Variants in F11 observed in about 807,000 individuals in gnomAD.
F11 encodes the protein coagulation factor XI.
A neutral mutation model predicts 76.5 loss-of-function variants in F11; 78 were observed. The ratio of observed to expected loss-of-function variants is 1.02; its 90% CI spans 0.85 to 1.23. The LOEUF is 1.23. Ranked by LOEUF, F11 falls within the 50% of genes most tolerant of loss-of-function variation. The pLI, the probability that F11 is intolerant of heterozygous loss-of-function variation, is 0.00. For missense variants in F11, 742 were observed against 771.4 expected (o/e 0.96, Z 0.45); for synonymous variants, 278 against 276.3 (o/e 1.01, Z -0.06).
chr4:186,290,181 G>C (rs1741476479), downstream of F11, among the ~76,000 whole-genome samples: 1 of 152,180 alleles, frequency 6.6e-6, no homozygotes, highest in African/African-American at 2.4e-5. Context: ...AAGAAAGGAA[G>C]AAGGACATTT....
In F11 at chr4:186,267,182, G is replaced by C. The variant is rs1041104600; in HGVS notation, c.46G>C (p.Val16Leu). ...GGTACATTTCATTTTATTTACTTCA[G>C]TTTCTGGTGGTAAGTAGAGTGTTAT... ...QVVHFILFTS[V>L]SGECVTQLLK... Residue 16 changes from valine to leucine, a missense_variant, in exon 2 of 15, where the codon GTT becomes CTT. Val to Leu is a conservative substitution (Grantham distance 32, BLOSUM62 1). Coordinates refer to ENST00000403665, the MANE Select transcript of F11 (RefSeq NM_000128.4). 6.4e-7 allele frequency: 1 copy of C among 1,565,852 alleles called. No homozygotes were observed.
In F11 at chr4:186,273,132, G is replaced by A; in HGVS notation, c.280G>A (p.Ala94Thr). 1 of 1,614,048 alleles carries A rather than the reference G, an allele frequency of 6.2e-7. No individual in the cohort carries two copies. Among genetic ancestry groups the A allele is most frequent in the Non-Finnish European group, 8.5e-7 (1 of 1,179,934 alleles). ...ETLPRVNRTAAISGYSFKQCS... is the reference protein window; with the variant it reads ...ETLPRVNRTATISGYSFKQCS... ...ACTGCCAAGAGTGAATAGGACAGCA[G>A]CGATTTCTGGGTATTCTTTCAAGCA... Residue 94 changes from alanine to threonine, a missense_variant, in exon 4 of 15, where the codon GCG becomes ACG. Ala to Thr is a moderately conservative substitution (Grantham distance 58, BLOSUM62 0). Transcript: ENST00000403665.
chr4:186,272,988 GCTTT>G, intron 3 of F11, 79 bp from the exon 4 acceptor site: 1 of 870,300 alleles, frequency 1.1e-6, no homozygotes, highest in Non-Finnish European at 1.9e-6. Flanking sequence ...CTTCTTTTTG[GCTTT>G]CTGTGTGCTG....
intron 6 of F11, 118 bp from the exon 7 acceptor site, chr4:186,276,113 A>T (rs1356024045): frequency 8.0e-6 from 10 of 1,250,760 alleles, no homozygotes; most frequent in Non-Finnish European, 1.1e-5. Context: ...AATAAAAAAA[A>T]ATTAAAAGAT....
At chr4:186,285,367 CGTGTCTGTGT>C (rs1741109677) in intron 11 of F11, among the ~76,000 whole-genome samples, 1 of 150,524 alleles carries the variant, frequency 6.6e-6, no homozygotes. Context: ...CGTGTGTGTG[CGTGTCTGTGT>C]GTGCGTGTGC....
At chr4:186,285,946 G>C in intron 12 of F11, 133 bp downstream of exon 12, 1 of 1,005,508 alleles carries the variant, frequency 9.9e-7, no homozygotes, top group South Asian at 1.3e-5. Flanking sequence ...GGCCTGGAAT[G>C]CTAGTCATTC....
chr4:186,280,253 C>T lies in F11; in HGVS notation c.896C>T (p.Thr299Ile). The T allele has an allele frequency of 6.2e-7, 1 of 1,614,222 alleles. No homozygotes were observed. Among genetic ancestry groups the T allele is most frequent in the Non-Finnish European group, 8.5e-7 (1 of 1,180,056 alleles). Residue 299 changes from threonine to isoleucine, a missense_variant, in exon 9 of 15, where the codon ACT (threonine) becomes ATT (isoleucine). Thr to Ile is a moderately conservative substitution (Grantham distance 89, BLOSUM62 -1). Transcript: ENST00000403665. Reference sequence around the variant, plus strand: ...TGCCATTCTTCATTTTACCATGACACTGATTTCTTGGGAGAAGAACTGGAT... The same window carrying T: ...TGCCATTCTTCATTTTACCATGACATTGATTTCTTGGGAGAAGAACTGGAT... ...VFCHSSFYHD[T>I]DFLGEELDIV...
downstream of F11, among the ~76,000 whole-genome samples, chr4:186,290,360 C>T (rs78036334): frequency 4.5e-3 from 682 of 152,130 alleles, 3 homozygotes; most frequent in Non-Finnish European, 8.0e-3. Context: ...TAGGACATGA[C>T]GGGGCCAGAT....
At chr4:186,282,609 A>T (rs1208910264) in intron 10 of F11, 1 of 984,988 alleles carries the variant, frequency 1.0e-6, no homozygotes, top group African/African-American at 1.7e-5. Flanking sequence ...AAGGCCTCTC[A>T]CCTGGACCTT....
At chr4:186,286,384 T>TCATATTTAAAC (rs1234139483) in intron 12 of F11, 31 bp from the exon 13 acceptor site, 10 of 1,575,548 alleles carry the variant, frequency 6.3e-6, no homozygotes, top group Non-Finnish European at 8.7e-6. Context: ...ATTTTGCGTC[T>TCATATTTAAAC]CATATTTAAA....
intron 9 of F11, 21 bp from the exon 10 acceptor site, chr4:186,280,453 C>A (rs1206401317): frequency 6.2e-7 from 1 of 1,614,042 alleles, no homozygotes; most frequent in Non-Finnish European, 8.5e-7. Flanking sequence ...TATGTTTATA[C>A]CGTTTTGTTT....
At chr4:186,270,862 AT>A (rs34930947) in intron 2 of F11, among the ~76,000 whole-genome samples, 1,561 of 138,262 alleles carry the variant, frequency 0.011, 28 homozygotes, top group African/African-American at 0.036. Context: ...CCCAGCTAGT[AT>A]TTTTTTTTTT....
At chr4:186,284,007 G>A (rs979927287) in intron 10 of F11, 85 bp from the exon 11 acceptor site, 2 of 1,605,668 alleles carry the variant, frequency 1.2e-6, no homozygotes, top group East Asian at 2.2e-5. Context: ...CTTGAGGAAA[G>A]GTTTTCTTCT....
chr4:186,288,614 AATGG>A lies in F11; in HGVS notation c.*1_*4del. 6.2e-7 allele frequency: 1 copy of A among 1,613,740 alleles called. No individual in the cohort carries two copies. The highest frequency in any genetic ancestry group is 8.5e-7 in the Non-Finnish European group (1 of 1,179,810). On this transcript the variant is annotated 3_prime_UTR_variant, in exon 15 of 15. Coordinates refer to ENST00000403665, the MANE Select transcript of F11 (RefSeq NM_000128.4). Reference sequence around the variant, plus strand: ...TTCTGGAGAAAACTCAAGCAGTGTGAATGGGTTCCCAGGGGCCATTGGAGTCCCT... The same window carrying A: ...TTCTGGAGAAAACTCAAGCAGTGTGAGTTCCCAGGGGCCATTGGAGTCCCT...
chr4:186,282,501 A>G lies in F11; in HGVS notation c.1136-1591A>G, dbSNP rs1436188456. The G allele has an allele frequency of 3.0e-6, 3 of 985,298 alleles. No homozygotes were observed. The African/African-American group carries it at 5.2e-5, about 17-fold the overall frequency. 61.0% of individuals were successfully genotyped at this position (985,298 alleles called of 1,614,324 possible). On this transcript the variant is annotated intron_variant, in intron 10 of 14. Transcript: ENST00000403665. Reference sequence around the variant, plus strand: ...ACTTAACTTTCTGAAGATAGATAGCAGCACCATTAAAATAAACATTTCTTA... The same window carrying G: ...ACTTAACTTTCTGAAGATAGATAGCGGCACCATTAAAATAAACATTTCTTA...
At chr4:186,282,126 T>G (rs200657948) in intron 10 of F11, 2 of 1,151,052 alleles carry the variant, frequency 1.7e-6, no homozygotes, top group East Asian at 1.2e-4. Context: ...CAAATGTTGC[T>G]GTTAAGTAAT....
chr4:186,281,921 C>G (rs759050851), intron 10 of F11: 266 of 1,272,682 alleles, frequency 2.1e-4, no homozygotes, highest in Non-Finnish European at 2.7e-4. Context: ...AACTAACAGA[C>G]TATGCCTTCC....
chr4:186,287,511 G>A, intron 13 of F11, 173 bp from the exon 14 acceptor site: 1 of 203,330 alleles, frequency 4.9e-6, no homozygotes, highest in Non-Finnish European at 9.8e-6. Context: ...TTGAACTTGG[G>A]AGGTGGAGGT....
intron 10 of F11, among the ~76,000 whole-genome samples, chr4:186,283,252 C>CGTGT (rs10661556): frequency 0.068 from 10,246 of 151,446 alleles, 439 homozygotes; most frequent in African/African-American, 0.11. Context: ...TTTGTGTGCA[C>CGTGT]GTGTGTGTGT....
Sources: allele counts gnomAD v4.1 joint callset (sites outside exome capture counted in the v4.1 genomes callset), GRCh38; gene constraint gnomAD v4.1.1; transcripts MANE v1.5; gene names NCBI Gene and HGNC (gene_info 2026-07-23, HGNC 2026-07-21).